AIM2: variants seen among roughly 807,000 people sequenced by gnomAD.
The protein encoded by AIM2 is interferon-inducible protein AIM2.
A neutral mutation model predicts 27.7 loss-of-function variants in AIM2; 30 were observed. That is an observed-to-expected ratio of 1.08 (90% CI 0.81 to 1.47). The LOEUF is 1.47. Ranked by LOEUF, AIM2 falls within the 40% of genes most tolerant of loss-of-function variation. AIM2 has a pLI of 0.00. For synonymous variants in AIM2, 141 were observed against 145.3 expected (o/e 0.97, Z 0.21); for missense variants, 358 against 411.3 (o/e 0.87, Z 1.12).
intron 5 of AIM2, among the ~76,000 whole-genome samples, chr1:159,062,979 G>A (rs1386444064): frequency 1.3e-5 from 2 of 152,200 alleles, no homozygotes; most frequent in African/African-American, 4.8e-5. Context: ...ATAGCAGGCA[G>A]TGCAACCAAC....
chr1:159,075,611 TAGAGAGAG>T lies in AIM2; in HGVS notation c.-21+1014_-21+1021del, dbSNP rs368061118. Among the ~76,000 whole-genome samples, 763 of 145,762 alleles carry T rather than the reference TAGAGAGAG, an allele frequency of 5.2e-3. 29 individuals are homozygous for T. The highest frequency in any genetic ancestry group is 0.044 in the Admixed American group (641 of 14,632). On this transcript the variant is annotated intron_variant, in intron 1 of 5. Coordinates refer to ENST00000368130, the MANE Select transcript of AIM2 (RefSeq NM_004833.3). ...GCTATACCTGCTATATATATATATA[TAGAGAGAG>T]AGAGAGAGAGAGAGAGCTAATAGAG... is the stretch of plus-strand genomic sequence containing the variant.
intron 2 of AIM2, among the ~76,000 whole-genome samples, chr1:159,069,425 TTCTC>T (rs963075503): frequency 6.6e-6 from 1 of 151,560 alleles, no homozygotes; most frequent in Non-Finnish European, 1.5e-5. Flanking sequence ...AATACACCAA[TTCTC>T]TCTCTCTATA....
At chr1:159,109,117 G>C (rs980613289) in intron 1 of AIM2, among the ~76,000 whole-genome samples, 1 of 151,954 alleles carries the variant, frequency 6.6e-6, no homozygotes. Context: ...AAATATGAAG[G>C]CATCAATATT....
rs74390072 is a variant in AIM2, at chr1:159,119,743, T to A, written c.-16+20688A>T. ...AAGTTCTTTCATTGGACAGAGTGGATAAAGCATGTATTTTCGTTCTCACCC... is the reference window on the plus strand; with the variant it reads ...AAGTTCTTTCATTGGACAGAGTGGAAAAAGCATGTATTTTCGTTCTCACCC... On this transcript the variant is annotated intron_variant, in intron 1 of 2. Coordinates refer to the AIM2 transcript ENST00000368129. Among the ~76,000 whole-genome samples, 523 of 152,182 alleles carry A rather than the reference T, an allele frequency of 3.4e-3. 6 individuals carry two copies. Among genetic ancestry groups the A allele is most frequent in the African/African-American group, 0.012 (498 of 41,524 alleles).
chr1:159,112,035 C>G (rs1657588540), intron 1 of AIM2, among the ~76,000 whole-genome samples: 1 of 151,828 alleles, frequency 6.6e-6, no homozygotes, highest in Non-Finnish European at 1.5e-5. Flanking sequence ...GAGTGAGACT[C>G]TGACTCAAAA....
At chr1:159,105,333 G>A (rs1261317192) in intron 1 of AIM2, among the ~76,000 whole-genome samples, 1 of 152,204 alleles carries the variant, frequency 6.6e-6, no homozygotes, top group Non-Finnish European at 1.5e-5. Context: ...CTCCAAAGAG[G>A]GTGTTACAGC....
upstream of AIM2, among the ~76,000 whole-genome samples, chr1:159,078,469 A>G (rs1656689814): frequency 6.6e-6 from 1 of 152,240 alleles, no homozygotes; most frequent in African/African-American, 2.4e-5. Context: ...TAACCTACTG[A>G]GTAAACGAGA....
chr1:159,073,172 C>A, intron 2 of AIM2, 66 bp downstream of exon 2: 2 of 1,584,530 alleles, frequency 1.3e-6, no homozygotes, highest in South Asian at 1.1e-5. Context: ...CCCAGGGATG[C>A]CATGAAAGGA....
chr1:159,098,887 G>A (rs1194578369), intron 1 of AIM2, among the ~76,000 whole-genome samples: 1 of 152,142 alleles, frequency 6.6e-6, no homozygotes, highest in Non-Finnish European at 1.5e-5. Context: ...GTTATGATGA[G>A]TGCTATGGAG....
At chr1:159,113,022 G>A (rs1339139941) in intron 1 of AIM2, among the ~76,000 whole-genome samples, 1 of 151,554 alleles carries the variant, frequency 6.6e-6, no homozygotes, top group Non-Finnish European at 1.5e-5. Context: ...TCGGCTCACT[G>A]CAAGCTCCGC....
Position 159,063,555 on chromosome 1 carries a change from A to G in AIM2, c.936T>C (p.Leu312=), listed in dbSNP as rs757916889. ...MKCKEGDKVR[L]TFFTLSKNGE... The stretch of plus-strand genomic sequence containing the variant: ...CATTTTTTGACAGTGTGAAGAATGT[A>G]AGTCGAACCTTATCTCCTTCCTTAC... Residue 312 remains leucine (L), a synonymous_variant, in exon 5 of 6, where the codon CTT becomes CTC. Coordinates refer to ENST00000368130, the MANE Select transcript of AIM2 (RefSeq NM_004833.3). The G allele has an allele frequency of 9.9e-6, 16 of 1,614,028 alleles. No homozygotes were observed. The highest frequency in any genetic ancestry group is 1.4e-5 in the Non-Finnish European group (16 of 1,180,012).
At chr1:159,141,773 G>A (rs530637673), upstream of AIM2, among the ~76,000 whole-genome samples, 2 of 150,988 alleles carry the variant, frequency 1.3e-5, no homozygotes, top group South Asian at 2.1e-4. Flanking sequence ...CTCTCTGAGC[G>A]GTGGGGGGGG....
At chr1:159,099,314 C>T (rs1002001213) in intron 1 of AIM2, among the ~76,000 whole-genome samples, 9 of 152,026 alleles carry the variant, frequency 5.9e-5, no homozygotes, top group South Asian at 4.1e-4. Flanking sequence ...GGTTAGAGAG[C>T]GAAATGTTCA....
intron 1 of AIM2, among the ~76,000 whole-genome samples, chr1:159,136,474 G>C (rs1648011151): frequency 6.6e-6 from 1 of 152,132 alleles, no homozygotes; most frequent in Non-Finnish European, 1.5e-5. Context: ...CGAGACCTCA[G>C]ATTCAGACTC....
chr1:159,128,525 C>T (rs571226430), intron 1 of AIM2, among the ~76,000 whole-genome samples: 1 of 152,252 alleles, frequency 6.6e-6, no homozygotes, highest in East Asian at 1.9e-4. Context: ...CTTTTGACTG[C>T]TTTTGACCAA....
At chr1:159,110,994 A>G (rs1268498966) in intron 1 of AIM2, among the ~76,000 whole-genome samples, 1 of 152,074 alleles carries the variant, frequency 6.6e-6, no homozygotes, top group African/African-American at 2.4e-5. Context: ...GTGAGGGTAA[A>G]GGCAGGTAGA....
chr1:159,099,627 G>T (rs186461431), intron 1 of AIM2, among the ~76,000 whole-genome samples: 129 of 152,212 alleles, frequency 8.5e-4, no homozygotes, highest in African/African-American at 3.0e-3. Context: ...TTAATGGGCT[G>T]GTGTCTGCTC....
chr1:159,129,823 A>T (rs1557914980), intron 1 of AIM2, among the ~76,000 whole-genome samples: 2 of 152,184 alleles, frequency 1.3e-5, no homozygotes, highest in Non-Finnish European at 2.9e-5. Context: ...TGAGCATTTA[A>T]ACATTCACTA....
At chr1:159,106,719 G>A (rs552564640) in intron 1 of AIM2, among the ~76,000 whole-genome samples, 89 of 152,204 alleles carry the variant, frequency 5.8e-4, no homozygotes, top group Non-Finnish European at 1.1e-3. Context: ...AGGTTGCCCT[G>A]ATATAATTTA....
Sources: gnomAD v4.1 joint callset for allele counts (sites outside exome capture counted in the v4.1 genomes callset) on GRCh38, gnomAD v4.1.1 for gene constraint, MANE v1.5 for transcripts, NCBI Gene and HGNC (gene_info 2026-07-23, HGNC 2026-07-21) for gene names.